The following GLIS3 variants were observed in gnomAD, a reference collection of about 807,000 sequenced individuals.
GLIS3 encodes the protein zinc finger protein GLIS3.
A neutral mutation model predicts 78.6 loss-of-function variants in GLIS3; 53 were observed. That is an observed-to-expected ratio of 0.67 (90% confidence interval 0.54 to 0.85). The LOEUF (loss-of-function observed/expected upper bound fraction) is 0.85. Among genes scored for constraint, GLIS3 ranks in the 40% least tolerant of loss-of-function variants. The probability of loss-of-function intolerance (pLI) is 0.00; values close to 1 mark genes in which losing one functional copy is unlikely to be tolerated. For missense variants in GLIS3, 1,703 were observed against 1,231.1 expected (o/e 1.38, Z -5.74); for synonymous variants, 684 against 509.9 (o/e 1.34, Z -4.60).
chr9:4,360,299 G>A, the GLIS3 span, among the ~76,000 whole-genome samples: 3 of 152,140 alleles, frequency 2.0e-5, no homozygotes, highest in East Asian at 3.9e-4. Context: ...AAGAGCATGC[G>A]ACTGACTATG....
intron 7 of GLIS3, among the ~76,000 whole-genome samples, chr9:3,892,802 C>A (rs1184875561): frequency 1.3e-5 from 2 of 152,104 alleles, no homozygotes; most frequent in African/African-American, 4.8e-5. Flanking sequence ...AACCTCTTAA[C>A]CATAAAAAGT....
At chr9:4,424,983 G>A in the GLIS3 span, among the ~76,000 whole-genome samples, 1 of 152,072 alleles carries the variant, frequency 6.6e-6, no homozygotes, top group African/African-American at 2.4e-5. Context: ...CTGGGGAAGT[G>A]TCCTTAAAAG....
intron 4 of GLIS3, among the ~76,000 whole-genome samples, chr9:3,953,764 TCTCTC>T (rs1816858904): frequency 3.2e-4 from 16 of 49,762 alleles, no homozygotes; most frequent in African/African-American, 1.1e-3. Flanking sequence ...AGATTTGCTC[TCTCTC>T]TCTCTCTCTC....
chr9:4,303,201 G>C (rs1563925107), upstream of GLIS3, among the ~76,000 whole-genome samples: 1 of 151,866 alleles, frequency 6.6e-6, no homozygotes, highest in African/African-American at 2.4e-5. Flanking sequence ...AAACAAATTT[G>C]AACCCCAAAA....
In GLIS3 at chr9:3,875,771, G is replaced by A. The variant is rs116830406; in HGVS notation, c.2297+3656C>T. On this transcript the variant is annotated intron_variant, in intron 8 of 10. Coordinates refer to ENST00000381971, the MANE Select transcript of GLIS3 (RefSeq NM_001042413.2). ...TTGCCCACTCCAGCTGGGAAGGCAA[G>A]GGATGGGGCACACGTCCAGTAGGGG... 2.7e-4 allele frequency among the ~76,000 whole-genome samples: 41 copies of A among 152,294 alleles called. 1 individual carries two copies. Among genetic ancestry groups the A allele is most frequent in the African/African-American group, 9.6e-4 (40 of 41,560 alleles).
chr9:4,437,440 C>A, the GLIS3 span, among the ~76,000 whole-genome samples: 1 of 148,592 alleles, frequency 6.7e-6, no homozygotes, highest in Admixed American at 6.7e-5. Flanking sequence ...ATCTATCTAT[C>A]TATCTATCTA....
intron 7 of GLIS3, among the ~76,000 whole-genome samples, chr9:3,881,533 C>T (rs891538998): frequency 1.3e-5 from 2 of 152,286 alleles, no homozygotes; most frequent in Admixed American, 6.5e-5. Context: ...CTATACTTGG[C>T]ATTAGCTACA....
intron 2 of GLIS3, among the ~76,000 whole-genome samples, chr9:4,247,869 C>T (rs368988601): frequency 6.6e-6 from 1 of 152,026 alleles, no homozygotes; most frequent in East Asian, 1.9e-4. Context: ...TTAGCATATC[C>T]ATCACTTCAC....
the GLIS3 span, among the ~76,000 whole-genome samples, chr9:4,376,276 C>T: frequency 5.9e-5 from 9 of 152,248 alleles, no homozygotes; most frequent in South Asian, 2.1e-4. Flanking sequence ...GAAAGAAAAA[C>T]TAATTCATCT....
At chr9:4,022,078 A>C (rs1310658985) in intron 4 of GLIS3, among the ~76,000 whole-genome samples, 1 of 152,200 alleles carries the variant, frequency 6.6e-6, no homozygotes, top group Non-Finnish European at 1.5e-5. Flanking sequence ...GTGACAACTT[A>C]ATGTCTAAAG....
At chr9:3,996,860 C>T (rs1008128706) in intron 4 of GLIS3, among the ~76,000 whole-genome samples, 2 of 151,964 alleles carry the variant, frequency 1.3e-5, no homozygotes, top group South Asian at 2.1e-4. Context: ...ATTTCAGATG[C>T]AGCAGAGATT....
At chr9:4,408,445 A>C in the GLIS3 span, among the ~76,000 whole-genome samples, 8 of 151,470 alleles carry the variant, frequency 5.3e-5, no homozygotes, top group African/African-American at 1.9e-4. Context: ...AAAAAAAAAA[A>C]TAGGCCGGGC....
At chr9:4,107,565 G>A (rs1934658) in intron 4 of GLIS3, among the ~76,000 whole-genome samples, 38,657 of 152,042 alleles carry the variant, frequency 0.25, 5,634 homozygotes, top group South Asian at 0.4. Flanking sequence ...ATAGCAAGCC[G>A]CTGAGATTTG....
At chr9:4,106,000 G>A (rs1830722335) in intron 4 of GLIS3, among the ~76,000 whole-genome samples, 1 of 152,170 alleles carries the variant, frequency 6.6e-6, no homozygotes, top group Admixed American at 6.5e-5. Context: ...CATGCCGCAA[G>A]AACCTGAATA....
At chr9:4,241,515 C>G (rs973886774) in intron 2 of GLIS3, among the ~76,000 whole-genome samples, 3 of 152,056 alleles carry the variant, frequency 2.0e-5, no homozygotes, top group African/African-American at 7.2e-5. Context: ...CCCAACTACA[C>G]CCCAACTACC....
chr9:4,307,868 A>G (rs1817267645), intron 4 of GLIS3, among the ~76,000 whole-genome samples: 1 of 152,166 alleles, frequency 6.6e-6, no homozygotes, highest in African/African-American at 2.4e-5. Flanking sequence ...CCACACCTTG[A>G]TCTTAGACCA....
Position 4,064,964 on chromosome 9 carries a change from T to C in GLIS3, c.1710+52804A>G, listed in dbSNP as rs575475792. Among the ~76,000 whole-genome samples the C allele has an allele frequency of 2.0e-5, 3 of 152,270 alleles. No individual in the cohort carries two copies. In the South Asian group the frequency reaches 6.2e-4, roughly 32 times the overall value. On this transcript the variant is annotated intron_variant, in intron 4 of 10. Coordinates refer to ENST00000381971, the MANE Select transcript of GLIS3 (RefSeq NM_001042413.2). ...GTGACTGGAGCACCACCATTCATCC[T>C]CCAGGGGCAGGGCAAACAGGCTTGA... is the stretch of plus-strand genomic sequence containing the variant.
intron 2 of GLIS3, among the ~76,000 whole-genome samples, chr9:4,178,605 G>C (rs1385204683): frequency 1.3e-5 from 2 of 152,226 alleles, no homozygotes; most frequent in African/African-American, 4.8e-5. Context: ...AAACACGCAA[G>C]TGCAAATATA....
intron 4 of GLIS3, among the ~76,000 whole-genome samples, chr9:4,008,756 C>A (rs1344035438): frequency 6.6e-6 from 1 of 152,114 alleles, no homozygotes; most frequent in East Asian, 1.9e-4. Flanking sequence ...CTAAATGCCA[C>A]CAATTGAACT....
Sources: gnomAD v4.1 joint callset for allele counts (sites outside exome capture counted in the v4.1 genomes callset) on GRCh38, gnomAD v4.1.1 for gene constraint, MANE v1.5 for transcripts, NCBI Gene and HGNC (gene_info 2026-07-23, HGNC 2026-07-21) for gene names.